UBE4B: variants seen among roughly 807,000 people sequenced by gnomAD.
UBE4B encodes the protein ubiquitin conjugation factor E4 B.
Under a neutral mutation model 148.1 loss-of-function variants are expected in UBE4B, and 27 were observed. The observed-to-expected ratio is 0.18, with a 90% CI of 0.13 to 0.25. The LOEUF (loss-of-function observed/expected upper bound fraction) is 0.25. UBE4B is among the 10% of genes least tolerant of loss of function. The pLI, the probability that UBE4B is intolerant of heterozygous loss-of-function variation, is 1.00. For missense variants in UBE4B, 1,170 were observed against 1,662.4 expected (o/e 0.70, Z 5.15); for synonymous variants, 596 against 619.3 (o/e 0.96, Z 0.56).
intron 15 of UBE4B, 70 bp from the exon 16 acceptor site, chr1:10,134,918 G>T (rs779047636): frequency 1.2e-4 from 170 of 1,362,486 alleles, no homozygotes; most frequent in Non-Finnish European, 1.6e-4. Context: ...CTGGGCAACA[G>T]AGTGAGACCC....
chr1:10,166,495 T>C (rs771778571), intron 23 of UBE4B, among the ~76,000 whole-genome samples: 10 of 152,146 alleles, frequency 6.6e-5, no homozygotes, highest in Admixed American at 1.3e-4. Context: ...AGTTTTAAAA[T>C]AATGAAGACT....
At chr1:10,175,485 A>C (rs560845003) in intron 25 of UBE4B, among the ~76,000 whole-genome samples, 2 of 144,548 alleles carry the variant, frequency 1.4e-5, no homozygotes, top group Non-Finnish European at 3.0e-5. Flanking sequence ...CCCCATCTCT[A>C]CTAAAAATAC....
chr1:10,169,347 C>G (rs747195185), intron 24 of UBE4B, among the ~76,000 whole-genome samples: 4 of 152,192 alleles, frequency 2.6e-5, no homozygotes, highest in South Asian at 2.1e-4. Context: ...CTCTTACCTT[C>G]GTTATGTGAC....
rs912347468 is a variant in UBE4B at position 10,033,240 on chromosome 1, G to A, written c.-431G>A. 1 of 156,184 alleles carries A rather than the reference G, an allele frequency of 6.4e-6. No individual in the cohort carries two copies. Among genetic ancestry groups the A allele is most frequent in the Admixed American group, 6.5e-5 (1 of 15,388 alleles). 9.7% of individuals were successfully genotyped at this position (156,184 alleles called of 1,614,324 possible). A position where few individuals can be genotyped will look rare whatever the true frequency, so the allele number is the denominator to read the frequency against. ...TCTGCAGTCGACCAGTTCCCGCCAGGAGCAAAGGGTAGGAAGGAGAGCAGG... is the reference window on the plus strand; with the variant it reads ...TCTGCAGTCGACCAGTTCCCGCCAGAAGCAAAGGGTAGGAAGGAGAGCAGG... On this transcript the variant is annotated 5_prime_UTR_variant, in exon 1 of 28. Transcript: ENST00000343090.
At chr1:10,059,510 T>C (rs1296566425) in intron 1 of UBE4B, 1 of 217,092 alleles carries the variant, frequency 4.6e-6, no homozygotes, top group Non-Finnish European at 9.8e-6. Context: ...GGGGCCATCA[T>C]GGAGCTGAGC....
intron 24 of UBE4B, among the ~76,000 whole-genome samples, chr1:10,170,133 T>TA (rs1399528757): frequency 3.9e-5 from 6 of 152,240 alleles, no homozygotes; most frequent in African/African-American, 1.4e-4. Flanking sequence ...TTTCCTTTGC[T>TA]ACACTATTTA....
intron 23 of UBE4B, among the ~76,000 whole-genome samples, chr1:10,166,961 A>G (rs1646257708): frequency 7.1e-6 from 1 of 140,252 alleles, no homozygotes; most frequent in African/African-American, 3.0e-5. Context: ...ACACACACAC[A>G]CACACACACA....
In UBE4B at chr1:10,175,724, T is replaced by C. The variant is rs113183808; in HGVS notation, c.3526-2920T>C. On this transcript the variant is annotated intron_variant, in intron 25 of 27. Coordinates refer to ENST00000343090, the MANE Select transcript of UBE4B (RefSeq NM_001105562.3). ...AATCCCATCAGTCACACTTCCCCCA[T>C]GCAGTCAGTCTTTCCTAAGTAATTG... Among the ~76,000 whole-genome samples, 695 of 152,224 alleles carry C rather than the reference T, an allele frequency of 4.6e-3. 8 individuals are homozygous for C. Among genetic ancestry groups the C allele is most frequent in the African/African-American group, 0.016 (652 of 41,570 alleles).
At chr1:10,089,243 A>G (rs1454507027) in intron 2 of UBE4B, among the ~76,000 whole-genome samples, 1 of 151,736 alleles carries the variant, frequency 6.6e-6, no homozygotes, top group East Asian at 2.0e-4. Flanking sequence ...TTGACCTCGT[A>G]ATCTGCCCAC....
intron 17 of UBE4B, among the ~76,000 whole-genome samples, chr1:10,139,938 G>T (rs1645759689): frequency 6.6e-6 from 1 of 152,168 alleles, no homozygotes; most frequent in Non-Finnish European, 1.5e-5. Context: ...ATGTTGGTCA[G>T]GCTGGTCTCG....
intron 12 of UBE4B, among the ~76,000 whole-genome samples, chr1:10,130,219 C>T (rs1285127931): frequency 3.9e-5 from 6 of 152,074 alleles, no homozygotes; most frequent in Non-Finnish European, 8.8e-5. Flanking sequence ...GGATTACAGG[C>T]GCACACCACC....
chr1:10,150,799 T>G (rs1352289059), intron 20 of UBE4B, among the ~76,000 whole-genome samples: 2 of 139,012 alleles, frequency 1.4e-5, no homozygotes, highest in African/African-American at 2.7e-5. Context: ...GGCGGAGGTT[T>G]CAGTGAGCCG....
intron 1 of UBE4B, among the ~76,000 whole-genome samples, chr1:10,066,521 C>G (rs1006791413): frequency 6.6e-6 from 1 of 151,952 alleles, no homozygotes; most frequent in Non-Finnish European, 1.5e-5. Context: ...CATTGTTGGG[C>G]TTAGATTAGG....
chr1:10,070,737 C>G (rs1644470469), intron 1 of UBE4B, among the ~76,000 whole-genome samples: 1 of 152,060 alleles, frequency 6.6e-6, no homozygotes, highest in Non-Finnish European at 1.5e-5. Context: ...TTTTCTCTTT[C>G]AATAAGATGT....
intron 1 of UBE4B, among the ~76,000 whole-genome samples, chr1:10,062,776 G>C (rs1644309218): frequency 6.6e-6 from 1 of 151,880 alleles, no homozygotes; most frequent in Non-Finnish European, 1.5e-5. Flanking sequence ...GACCAACATG[G>C]CCAAACCCCA....
intron 2 of UBE4B, among the ~76,000 whole-genome samples, chr1:10,091,674 T>C (rs1644850493): frequency 6.6e-6 from 1 of 152,132 alleles, no homozygotes; most frequent in Non-Finnish European, 1.5e-5. Context: ...GGTGCGATCT[T>C]GGCCCACTGC....
rs758826237 is a variant in UBE4B at position 10,161,145 on chromosome 1, C to T, written c.3057C>T (p.Ser1019=). 1.4e-5 allele frequency: 22 copies of T among 1,613,548 alleles called. No homozygotes were observed. In the East Asian group the frequency reaches 1.6e-4, roughly 11 times the overall value. ...TACAATATAATTGCCTTTCCAGCTC[C>T]GGGAAGCAGTTTGTTCGCTATATAA... ...HHGTFMEEFN[S]GKQFVRYINM... The change falls in exon 23 of 28, where the codon TCC becomes TCT. Residue 1019 remains serine (S), a synonymous_variant. Transcript: ENST00000343090. This position sits in a 1 kb window ranked among gnomAD's most constrained non-coding sequence, Gnocchi z 4.1.
intron 10 of UBE4B, 128 bp from the exon 11 acceptor site, chr1:10,126,666 A>G (rs959186405): frequency 6.7e-6 from 5 of 742,156 alleles, no homozygotes; most frequent in African/African-American, 1.8e-5. Flanking sequence ...AGACTTTTAT[A>G]TGCAAAAAAG....
At position 10,033,612 on chromosome 1, in the gene UBE4B, C is replaced by T. The variant is rs943682121; in HGVS notation, c.-59C>T. ...CACCTTCCACTCTCCTTCCTCCCGC[C>T]GTGGTCTCGAGAACAGAAGGATCTC... On this transcript the variant is annotated 5_prime_UTR_variant, in exon 1 of 28. Transcript: ENST00000343090. 2.7e-6 allele frequency: 4 copies of T among 1,461,618 alleles called. No individual in the cohort carries two copies. Among genetic ancestry groups the T allele is most frequent in the Non-Finnish European group, 3.6e-6 (4 of 1,100,864 alleles). 90.5% of individuals were successfully genotyped at this position (1,461,618 alleles called of 1,614,324 possible).
Sources: allele counts gnomAD v4.1 joint callset (sites outside exome capture counted in the v4.1 genomes callset), GRCh38; gene constraint gnomAD v4.1.1; non-coding constraint Gnocchi (gnomAD v3.1); transcripts MANE v1.5; gene names NCBI Gene and HGNC (gene_info 2026-07-23, HGNC 2026-07-21).